Variants in PHEX observed in about 807,000 individuals in gnomAD.
PHEX encodes phosphate regulating endopeptidase X-linked, also known as phosphate-regulating neutral endopeptidase PHEX.
In PHEX, 16 loss-of-function variants were observed where a neutral mutation model predicts 68.0. The observed-to-expected ratio is 0.24, with a 90% CI of 0.16 to 0.36. The LOEUF (loss-of-function observed/expected upper bound fraction) is 0.36, where lower values mean the gene tolerates loss of function less well. PHEX is among the 10% of genes least tolerant of loss of function. PHEX has a pLI of 1.00. For missense variants in PHEX, 480 were observed against 575.5 expected, an observed-to-expected ratio of 0.83 and a Z score of 1.70; for synonymous variants, 208 against 205.1, an observed-to-expected ratio of 1.01 and a Z score of -0.12.
intron 9 of PHEX, among the ~76,000 whole-genome samples, chrX:22,108,968 G>A (rs199944261): frequency 9.3e-6 from 1 of 107,297 alleles, no homozygotes; most frequent in Non-Finnish European, 1.9e-5. Context: ...AATCTTGAGC[G>A]GTTTACATAT....
chrX:22,151,690 C>G (rs1932857521), intron 12 of PHEX, among the ~76,000 whole-genome samples: 1 of 111,980 alleles, frequency 8.9e-6, no homozygotes, highest in African/African-American at 3.2e-5. Context: ...GACTGGTCTG[C>G]AAAATAAATG....
intron 20 of PHEX, among the ~76,000 whole-genome samples, chrX:22,243,653 A>G (rs749316953): frequency 1.3e-4 from 15 of 112,739 alleles, no homozygotes; most frequent in Non-Finnish European, 2.2e-4. Flanking sequence ...GAAGACATTT[A>G]TGCAGCCAAC....
chrX:22,245,579 A>G lies in PHEX; in HGVS notation c.2147+170A>G, dbSNP rs147560997. Reference sequence around the variant, plus strand: ...AAATATCTGGCCACACGGAAACTAAATATCTTCTTTCATTAGTAGTAAGCT... The same window carrying G: ...AAATATCTGGCCACACGGAAACTAAGTATCTTCTTTCATTAGTAGTAAGCT... On this transcript the variant is annotated intron_variant, in intron 21 of 21. Transcript: ENST00000379374. 6.0e-3 allele frequency among the ~76,000 whole-genome samples: 670 copies of G among 111,614 alleles called. 7 individuals are homozygous for G. Among genetic ancestry groups the G allele is most frequent in the African/African-American group, 0.021 (643 of 30,747 alleles).
At chrX:22,139,328 C>T (rs1041567324) in intron 12 of PHEX, among the ~76,000 whole-genome samples, 4 of 111,747 alleles carry the variant, frequency 3.6e-5, no homozygotes, top group Non-Finnish European at 7.5e-5. Flanking sequence ...TATTTGTGAG[C>T]AGCCCCTGCT....
At chrX:22,094,453 A>G (rs1246994427) in intron 7 of PHEX, among the ~76,000 whole-genome samples, 1 of 112,310 alleles carries the variant, frequency 8.9e-6, no homozygotes, top group Non-Finnish European at 1.9e-5. Context: ...ATAGATGTTT[A>G]ATAAATCCTT....
At chrX:22,246,550 G>A (rs1936398142) in intron 21 of PHEX, among the ~76,000 whole-genome samples, 1 of 112,056 alleles carries the variant, frequency 8.9e-6, no homozygotes, top group African/African-American at 3.2e-5. Flanking sequence ...ACTAAAATGT[G>A]TTCCCACTGA....
chrX:22,179,552 T>C (rs1457662504), intron 14 of PHEX, among the ~76,000 whole-genome samples: 1 of 107,837 alleles, frequency 9.3e-6, no homozygotes, highest in Non-Finnish European at 1.9e-5. Context: ...ATAGCTTAGC[T>C]CCCTCTTATG....
chrX:22,045,875 A>G (rs1347920407), intron 2 of PHEX, among the ~76,000 whole-genome samples: 1 of 112,462 alleles, frequency 8.9e-6, no homozygotes, highest in Admixed American at 9.4e-5. Flanking sequence ...AGTTACACTG[A>G]ATATCAAGGA....
At chrX:22,118,620 C>A (rs1312303937) in intron 11 of PHEX, among the ~76,000 whole-genome samples, 1 of 111,051 alleles carries the variant, frequency 9.0e-6, no homozygotes, top group African/African-American at 3.3e-5. Context: ...TTTTGAGAAC[C>A]TCTTGATGAC....
chrX:22,054,890 AG>A (rs1031555799), intron 3 of PHEX, among the ~76,000 whole-genome samples: 6 of 109,566 alleles, frequency 5.5e-5, no homozygotes, highest in South Asian at 7.8e-4. Flanking sequence ...TTGTCAGATT[AG>A]GGCTGGGCGT....
intron 15 of PHEX, among the ~76,000 whole-genome samples, chrX:22,208,337 T>C (rs1282401346): frequency 8.9e-6 from 1 of 112,109 alleles, no homozygotes; most frequent in African/African-American, 3.2e-5. Context: ...AAATGGTATT[T>C]ATATGTCTAT....
chrX:22,098,781 G>C (rs1012091248), intron 8 of PHEX, among the ~76,000 whole-genome samples: 13 of 62,757 alleles, frequency 2.1e-4, no homozygotes, highest in Non-Finnish European at 3.3e-4. Context: ...CTGGGTGATA[G>C]AGCGAGAATG....
rs1359999465 is a variant in PHEX, at chrX:22,118,561, T to C, written c.1302+3975T>C. The stretch of plus-strand genomic sequence containing the variant: ...CCAGGCTTTATCTTTTGAAAACTGA[T>C]ACCTAGGTTTTACTAAGAGACTCCC... On this transcript the variant is annotated intron_variant, in intron 11 of 21. Coordinates refer to ENST00000379374, the MANE Select transcript of PHEX (RefSeq NM_000444.6). Among the ~76,000 whole-genome samples the C allele has an allele frequency of 1.3e-4, 14 of 110,310 alleles. 1 individual carries two copies. The highest frequency in any genetic ancestry group is 4.3e-4 in the African/African-American group (13 of 30,306).
intron 14 of PHEX, among the ~76,000 whole-genome samples, chrX:22,185,756 G>GTTTTTTGT (rs1207128506): frequency 1.1e-5 from 1 of 87,792 alleles, no homozygotes. Flanking sequence ...CTCGTTTGTG[G>GTTTTTTGT]TTTTTTTTTT....
chrX:22,171,155 TCA>T (rs1247832479), intron 13 of PHEX: 1 of 111,685 alleles, frequency 9.0e-6, no homozygotes, highest in Non-Finnish European at 1.9e-5. Flanking sequence ...TTTAATTGAC[TCA>T]CAGTTCCACA....
intron 14 of PHEX, among the ~76,000 whole-genome samples, chrX:22,187,882 G>A (rs1051107762): frequency 8.9e-6 from 1 of 111,754 alleles, no homozygotes; most frequent in Non-Finnish European, 1.9e-5. Flanking sequence ...ATGCTTAGGC[G>A]AACTGGTTTG....
intron 9 of PHEX, among the ~76,000 whole-genome samples, chrX:22,104,788 C>A (rs991974843): frequency 1.8e-5 from 2 of 111,216 alleles, no homozygotes; most frequent in African/African-American, 6.6e-5. Context: ...GGAAGGTTGG[C>A]ATCAGGAGGA....
chrX:22,119,615 C>T (rs1245790367), intron 11 of PHEX, among the ~76,000 whole-genome samples: 1 of 100,532 alleles, frequency 9.9e-6, no homozygotes, highest in African/African-American at 3.7e-5. Flanking sequence ...TTTTTTGAGA[C>T]AGAGTCTTGC....
In PHEX at chrX:22,248,031, G is replaced by C; in HGVS notation, c.*78G>C. On this transcript the variant is annotated 3_prime_UTR_variant, in exon 22 of 22. Transcript: ENST00000379374. ...CTGCACTGAGCCTTCATCGCCCATT[G>C]CTTTAGGCCTGGAGACTTTCATTTT... The C allele has an allele frequency of 1.4e-6, 1 of 705,315 alleles. No individual in the cohort carries two copies. Among genetic ancestry groups the C allele is most frequent in the Non-Finnish European group, 2.3e-6 (1 of 435,548 alleles). The allele number at this position is 705,315 out of a possible 1,213,427, so 58.1% of individuals were successfully genotyped here. A position where few individuals can be genotyped will look rare whatever the true frequency, so the allele number is the denominator to read the frequency against.
Sources: allele counts gnomAD v4.1 joint callset (sites outside exome capture counted in the v4.1 genomes callset), GRCh38; gene constraint gnomAD v4.1.1; transcripts MANE v1.5; gene names NCBI Gene and HGNC (gene_info 2026-07-23, HGNC 2026-07-21).